TSPYL4: variants seen among roughly 807,000 people sequenced by gnomAD.
The protein encoded by TSPYL4 is testis-specific Y-encoded-like protein 4.
Under a neutral mutation model 24.2 loss-of-function variants are expected in TSPYL4, and 22 were observed. The ratio of observed to expected loss-of-function variants is 0.91; its 90% CI spans 0.65 to 1.30. The LOEUF is 1.30. Among genes scored for constraint, TSPYL4 ranks in the 50% most tolerant of loss-of-function variants. The pLI is 0.00. For missense variants in TSPYL4, 569 were observed against 536.7 expected (o/e 1.06, Z -0.60); for synonymous variants, 211 against 208.2 (o/e 1.01, Z -0.12).
rs186602166 is a variant in TSPYL4, at chr6:116,253,286, C to A, written c.723G>T (p.Gln241His). Residue 241 changes from glutamine (Q) to histidine (H), a missense_variant, in exon 1 of 1, where the codon CAG becomes CAT. Gln to His is a conservative substitution (Grantham distance 24, BLOSUM62 0). Transcript: ENST00000420283. This position sits in a 1 kb window ranked among gnomAD's most constrained non-coding sequence, Gnocchi z 4.3. ...KFGRMRRLHM[Q>H]RRSFIIQNIP... ...TATTCTGGATAATGAAACTTCTGCG[C>A]TGCATGTGGAGCCTTCGCATGCGGC... 120 of 1,606,926 alleles carry A rather than the reference C, an allele frequency of 7.5e-5. No individual in the cohort carries two copies. In the African/African-American group the frequency reaches 1.5e-3, roughly 20 times the overall value.
At position 116,251,264 on chromosome 6, in the gene TSPYL4, G is replaced by T; in HGVS notation, c.*1500C>A. The T allele has an allele frequency of 2.5e-6, 1 of 398,624 alleles. No homozygotes were observed. The highest frequency in any genetic ancestry group is 1.3e-4 in the South Asian group (1 of 7,850). 24.7% of individuals were successfully genotyped at this position (398,624 alleles called of 1,614,324 possible). On this transcript the variant is annotated 3_prime_UTR_variant, in exon 1 of 1. Coordinates refer to ENST00000420283, the MANE Select transcript of TSPYL4 (RefSeq NM_021648.5). ...TCACATCACAAAGGCCTTTGCCTTTGACCCGTCCTGAACCCATCACTGTGA... is the reference window on the plus strand; with the variant it reads ...TCACATCACAAAGGCCTTTGCCTTTTACCCGTCCTGAACCCATCACTGTGA...
At position 116,253,836 on chromosome 6, in the gene TSPYL4, G is replaced by T. The variant is rs1294369600; in HGVS notation, c.173C>A (p.Ala58Glu). 3.7e-6 allele frequency: 6 copies of T among 1,612,034 alleles called. No individual in the cohort carries two copies. In the African/African-American group the frequency reaches 6.7e-5, roughly 18 times the overall value. Reference protein sequence around the residue: ...NTGGGSLETVAEGGASQDPVD... With the variant: ...NTGGGSLETVEEGGASQDPVD... The stretch of plus-strand genomic sequence containing the variant: ...AGGATCCTGGGATGCACCCCCCTCC[G>T]CAACGGTCTCCAGGCTGCCCCCACC... Residue 58 changes from alanine to glutamate, a missense_variant, in exon 1 of 1, where the codon GCG (alanine) becomes GAG (glutamate). Ala to Glu is a moderately radical substitution (Grantham distance 107, BLOSUM62 -1). Coordinates refer to ENST00000420283, the MANE Select transcript of TSPYL4 (RefSeq NM_021648.5). This position sits in a 1 kb window ranked among gnomAD's most constrained non-coding sequence, Gnocchi z 4.3.
At position 116,253,100 on chromosome 6, in the gene TSPYL4, G is replaced by A. The variant is rs1360524758; in HGVS notation, c.909C>T (p.Asn303=). Residue 303 remains asparagine, a synonymous_variant, in exon 1 of 1, where the codon AAC becomes AAT. Transcript: ENST00000420283. The surrounding 1 kb of genome is among the most constrained non-coding windows in gnomAD (Gnocchi z 4.3). ...GCKFKFIFQG[N]PYFRNEGLVK... is the part of the protein sequence containing the mutation. ...CAAGCCCCTCATTTCGGAAGTAGGG[G>A]TTGCCCTGAAAGATGAACTTGAATT... 2 of 1,614,122 alleles carry A rather than the reference G, an allele frequency of 1.2e-6. No individual in the cohort carries two copies. The highest frequency in any genetic ancestry group is 1.7e-5 in the Admixed American group (1 of 60,020).
At position 116,252,479 on chromosome 6, in the gene TSPYL4, G is replaced by C; in HGVS notation, c.*285C>G. On this transcript the variant is annotated 3_prime_UTR_variant, in exon 1 of 1. Transcript: ENST00000420283. ...AAGCCATGCAAAGAAAGGCAGTATGGTACACTATATCTATAGTATCATACG... is the reference window on the plus strand; with the variant it reads ...AAGCCATGCAAAGAAAGGCAGTATGCTACACTATATCTATAGTATCATACG... 1 of 386,344 alleles carries C rather than the reference G, an allele frequency of 2.6e-6. No homozygotes were observed. The highest frequency in any genetic ancestry group is 4.6e-6 in the Non-Finnish European group (1 of 215,320). The allele number at this position is 386,344 out of a possible 1,614,324, so 23.9% of individuals were successfully genotyped here.
rs921848630 is a variant in TSPYL4, at chr6:116,250,805, C to G, written c.*1959G>C. The G allele has an allele frequency of 6.1e-6, 1 of 163,628 alleles. No individual in the cohort carries two copies. The highest frequency in any genetic ancestry group is 1.3e-5 in the Non-Finnish European group (1 of 75,862). The allele number at this position is 163,628 out of a possible 1,614,324, so 10.1% of individuals were successfully genotyped here. A position where few individuals can be genotyped will look rare whatever the true frequency, so the allele number is the denominator to read the frequency against. ...TGTGTGTGTTCAGACCTCCTAAACC[C>G]TCAGGTAGCTTAGGGCAAGGCCTTC... On this transcript the variant is annotated 3_prime_UTR_variant, in exon 1 of 1. Coordinates refer to ENST00000420283, the MANE Select transcript of TSPYL4 (RefSeq NM_021648.5).
Position 116,253,273 on chromosome 6 carries a change from T to C in TSPYL4, c.736A>G (p.Ile246Val), listed in dbSNP as rs769736542. The change falls in exon 1 of 1, where the codon ATT (isoleucine) becomes GTT (valine). Residue 246 changes from isoleucine (I) to valine (V), a missense_variant. Coordinates refer to ENST00000420283, the MANE Select transcript of TSPYL4 (RefSeq NM_021648.5). This position sits in a 1 kb window ranked among gnomAD's most constrained non-coding sequence, Gnocchi z 4.3. ...RRLHMQRRSFIIQNIPGFWVT... is the reference protein window; with the variant it reads ...RRLHMQRRSFVIQNIPGFWVT... Reference sequence around the variant, plus strand: ...CAGAAACCTGGGATATTCTGGATAATGAAACTTCTGCGCTGCATGTGGAGC... The same window carrying C: ...CAGAAACCTGGGATATTCTGGATAACGAAACTTCTGCGCTGCATGTGGAGC... The C allele has an allele frequency of 1.2e-6, 2 of 1,610,844 alleles. No homozygotes were observed. Among genetic ancestry groups the C allele is most frequent in the South Asian group, 1.1e-5 (1 of 90,644 alleles).
chr6:116,253,304 C>T lies in TSPYL4; in HGVS notation c.705G>A (p.Met235Ile). Residue 235 changes from methionine to isoleucine, a missense_variant, in exon 1 of 1, where the codon ATG becomes ATA. Coordinates refer to ENST00000420283, the MANE Select transcript of TSPYL4 (RefSeq NM_021648.5). This position sits in a 1 kb window ranked among gnomAD's most constrained non-coding sequence, Gnocchi z 4.3. ...TTCTGCGCTGCATGTGGAGCCTTCG[C>T]ATGCGGCCAAACTTGCGCTCAAGCT... ...FLQLERKFGRMRRLHMQRRSF... is the reference protein window; with the variant it reads ...FLQLERKFGRIRRLHMQRRSF... 6.3e-7 allele frequency: 1 copy of T among 1,592,180 alleles called. No homozygotes were observed. The highest frequency in any genetic ancestry group is 1.1e-5 in the South Asian group (1 of 88,278).
rs1395251536 is a variant in TSPYL4 at position 116,253,434 on chromosome 6, T to C, written c.575A>G (p.Glu192Gly). Residue 192 changes from glutamate to glycine, a missense_variant, in exon 1 of 1, where the codon GAG becomes GGG. By Grantham distance (98) the Glu-to-Gly change is moderately conservative. Transcript: ENST00000420283. The surrounding 1 kb of genome is among the most constrained non-coding windows in gnomAD (Gnocchi z 4.3). ...GATCTTCGGGGCCCTGGGCCGTGTC[T>C]CCTCTTTCACCCCTCCTGCCACCTT... is the stretch of plus-strand genomic sequence containing the variant. Reference protein sequence around the residue: ...EKKVAGGVKEETRPRAPKINN... With the variant: ...EKKVAGGVKEGTRPRAPKINN... 28 of 1,551,262 alleles carry C rather than the reference T, an allele frequency of 1.8e-5. No individual in the cohort carries two copies. The highest frequency in any genetic ancestry group is 2.7e-5 in the African/African-American group (2 of 73,016).
Position 116,252,965 on chromosome 6 carries a change from C to G in TSPYL4, c.1044G>C (p.Gly348=), listed in dbSNP as rs897928893. Residue 348 remains glycine, a synonymous_variant, in exon 1 of 1, where the codon GGG becomes GGC. Transcript: ENST00000420283. The part of the protein sequence containing the change: ...PQAHIHRNRE[G]NTIPSFFNWF... ...AGTTGAAGAAACTAGGGATAGTGTT[C>G]CCTTCCCGGTTTCTGTGGATATGAG... The G allele has an allele frequency of 1.9e-5, 31 of 1,613,922 alleles. No homozygotes were observed. Among genetic ancestry groups the G allele is most frequent in the Non-Finnish European group, 2.6e-5 (31 of 1,179,968 alleles).
rs1200110297 is a variant in TSPYL4 at position 116,254,061 on chromosome 6, G to C, written c.-53C>G. 6.6e-7 allele frequency: 1 copy of C among 1,512,388 alleles called. No homozygotes were observed. Among genetic ancestry groups the C allele is most frequent in the Admixed American group, 2.3e-5 (1 of 44,170 alleles). 93.7% of individuals were successfully genotyped at this position (1,512,388 alleles called of 1,614,324 possible). On this transcript the variant is annotated 5_prime_UTR_variant, in exon 1 of 1. Coordinates refer to ENST00000420283, the MANE Select transcript of TSPYL4 (RefSeq NM_021648.5). Reference sequence around the variant, plus strand: ...GGGAGAGTTCCTTGTCCTCCGCAGCGGCCGAGCTCTGCCCGAAACGTCTAG... The same window carrying C: ...GGGAGAGTTCCTTGTCCTCCGCAGCCGCCGAGCTCTGCCCGAAACGTCTAG...
At position 116,253,308 on chromosome 6, in the gene TSPYL4, C is replaced by A. The variant is rs1244668116; in HGVS notation, c.701G>T (p.Arg234Leu). ...GCGCTGCATGTGGAGCCTTCGCATG[C>A]GGCCAAACTTGCGCTCAAGCTGAAG... ...AFLQLERKFG[R>L]MRRLHMQRRS... Residue 234 changes from arginine (R) to leucine (L), a missense_variant, in exon 1 of 1, where the codon CGC becomes CTC. Physicochemically the swap from Arg to Leu is moderately radical, Grantham distance 102 (BLOSUM62 -2). Transcript: ENST00000420283. The surrounding 1 kb of genome is among the most constrained non-coding windows in gnomAD (Gnocchi z 4.3). 1.3e-6 allele frequency: 2 copies of A among 1,589,534 alleles called. No individual in the cohort carries two copies. Among genetic ancestry groups the A allele is most frequent in the Admixed American group, 1.8e-5 (1 of 55,586 alleles).
chr6:116,253,951 C>T lies in TSPYL4; in HGVS notation c.58G>A (p.Ala20Thr). ...GGATCTCCTGAGGCATGGTCGGGAG[C>T]AGCCAGGCCGCCGGTTTGGGCGAGA... is the stretch of plus-strand genomic sequence containing the variant. ...LPLAQTGGLAAPDHASGDPDR... is the reference protein window; with the variant it reads ...LPLAQTGGLATPDHASGDPDR... The change falls in exon 1 of 1, where the codon GCT becomes ACT. Residue 20 changes from alanine to threonine, a missense_variant. By Grantham distance (58) the Ala-to-Thr change is moderately conservative. Transcript: ENST00000420283. The surrounding 1 kb of genome is among the most constrained non-coding windows in gnomAD (Gnocchi z 4.3). The T allele has an allele frequency of 1.2e-6, 2 of 1,606,156 alleles. No homozygotes were observed. The highest frequency in any genetic ancestry group is 2.2e-5 in the South Asian group (2 of 90,124).
chr6:116,253,077 AGCCCCTCATTTCGGAAGTAGGGGTT>A lies in TSPYL4; in HGVS notation c.907_931del (p.Asn303LeufsTer54), dbSNP rs1308173106. 1.2e-6 allele frequency: 2 copies of A among 1,613,980 alleles called. No homozygotes were observed. Among genetic ancestry groups the A allele is most frequent in the Non-Finnish European group, 1.7e-6 (2 of 1,180,032 alleles). On this transcript the variant is annotated frameshift_variant, in exon 1 of 1. Coordinates refer to ENST00000420283, the MANE Select transcript of TSPYL4 (RefSeq NM_021648.5). LOFTEE classifies it high-confidence loss of function. The surrounding 1 kb of genome is among the most constrained non-coding windows in gnomAD (Gnocchi z 4.3). Reference sequence around the variant, plus strand: ...GGATCTGCGTTCATATTCCTTGACAAGCCCCTCATTTCGGAAGTAGGGGTTGCCCTGAAAGATGAACTTGAATTTG... The same window carrying A: ...GGATCTGCGTTCATATTCCTTGACAAGCCCTGAAAGATGAACTTGAATTTG...
At position 116,253,982 on chromosome 6, in the gene TSPYL4, C is replaced by A; in HGVS notation, c.27G>T (p.Lys9Asn). MSGLDGGN[K>N]LPLAQTGGLA... ...GGCCGCCGGTTTGGGCGAGAGGGAG[C>A]TTGTTGCCCCCATCCAGGCCGCTCA... is the stretch of plus-strand genomic sequence containing the variant. The change falls in exon 1 of 1, where the codon AAG (lysine) becomes AAT (asparagine). Residue 9 changes from lysine to asparagine, a missense_variant. Lys to Asn is a moderately conservative substitution (Grantham distance 94, BLOSUM62 0). Transcript: ENST00000420283. This position sits in a 1 kb window ranked among gnomAD's most constrained non-coding sequence, Gnocchi z 4.3. The A allele has an allele frequency of 6.3e-7, 1 of 1,591,774 alleles. No homozygotes were observed. The highest frequency in any genetic ancestry group is 1.8e-5 in the Admixed American group (1 of 56,984).
Position 116,250,455 on chromosome 6 carries a change from CAG to C in TSPYL4, c.*2307_*2308del, listed in dbSNP as rs973172994. The C allele has an allele frequency of 1.3e-5, 2 of 152,598 alleles. No individual in the cohort carries two copies. The highest frequency in any genetic ancestry group is 2.9e-5 in the Non-Finnish European group (2 of 68,034). 9.5% of individuals were successfully genotyped at this position (152,598 alleles called of 1,614,324 possible). ...AAAGGAAATGGATTTTACTCAAAAA[CAG>C]TGACATAAGGAGCATATACCATTAA... On this transcript the variant is annotated 3_prime_UTR_variant, in exon 1 of 1. Transcript: ENST00000420283.
rs1241830488 is a variant in TSPYL4 at position 116,253,503 on chromosome 6, G to C, written c.506C>G (p.Ala169Gly). ...ISAAVEKEGE[A>G]GAAMEEKKVV... Reference sequence around the variant, plus strand: ...CTTCTTTTCCTCCATCGCCGCCCCTGCTTCTCCCTCCTTTTCCACTGCTGC... The same window carrying C: ...CTTCTTTTCCTCCATCGCCGCCCCTCCTTCTCCCTCCTTTTCCACTGCTGC... The change falls in exon 1 of 1, where the codon GCA becomes GGA. Residue 169 changes from alanine (A) to glycine (G), a missense_variant. Coordinates refer to ENST00000420283, the MANE Select transcript of TSPYL4 (RefSeq NM_021648.5). This position sits in a 1 kb window ranked among gnomAD's most constrained non-coding sequence, Gnocchi z 4.3. The C allele has an allele frequency of 6.4e-7, 1 of 1,551,568 alleles. No homozygotes were observed. The highest frequency in any genetic ancestry group is 8.7e-7 in the Non-Finnish European group (1 of 1,146,958).
At position 116,252,573 on chromosome 6, in the gene TSPYL4, C is replaced by G; in HGVS notation, c.*191G>C. On this transcript the variant is annotated 3_prime_UTR_variant, in exon 1 of 1. Transcript: ENST00000420283. ...AACACAATGCAGAAAAGCATGAAGGCCCAGAGGAAGAATGGCACAGGCAGG... is the reference window on the plus strand; with the variant it reads ...AACACAATGCAGAAAAGCATGAAGGGCCAGAGGAAGAATGGCACAGGCAGG... The G allele has an allele frequency of 1.5e-6, 1 of 673,884 alleles. No individual in the cohort carries two copies. The highest frequency in any genetic ancestry group is 3.0e-5 in the Admixed American group (1 of 33,686). The allele number at this position is 673,884 out of a possible 1,614,324, so 41.7% of individuals were successfully genotyped here. A position where few individuals can be genotyped will look rare whatever the true frequency, so the allele number is the denominator to read the frequency against.
Position 116,253,459 on chromosome 6 carries a change from T to A in TSPYL4, c.550A>T (p.Lys184Ter), listed in dbSNP as rs1772003364. Reference sequence around the variant, plus strand: ...TCCTCTTTCACCCCTCCTGCCACCTTTTTTTCCTTCTGCACTACCTTCTTT... The same window carrying A: ...TCCTCTTTCACCCCTCCTGCCACCTATTTTTCCTTCTGCACTACCTTCTTT... ...EEKKVVQKEKKVAGGVKEETR... is the reference protein window; with the variant it reads ...EEKKVVQKEK The change falls in exon 1 of 1, where the codon AAG (lysine) becomes TAG (stop). Residue 184 changes from lysine to a stop codon, truncating the protein, a stop_gained. Coordinates refer to ENST00000420283, the MANE Select transcript of TSPYL4 (RefSeq NM_021648.5). LOFTEE classifies it high-confidence loss of function. The surrounding 1 kb of genome is among the most constrained non-coding windows in gnomAD (Gnocchi z 4.3). 1.3e-6 allele frequency: 2 copies of A among 1,551,542 alleles called. No homozygotes were observed.
Position 116,253,563 on chromosome 6 carries a change from G to T in TSPYL4, c.446C>A (p.Ala149Asp). ...LGSQMIPGKK[A>D]KEVTTKKRAI... Reference sequence around the variant, plus strand: ...GCGTTTTTTAGTCGTCACTTCCTTGGCCTTCTTCCCCGGTATCATCTGAGA... The same window carrying T: ...GCGTTTTTTAGTCGTCACTTCCTTGTCCTTCTTCCCCGGTATCATCTGAGA... Residue 149 changes from alanine to aspartate, a missense_variant, in exon 1 of 1, where the codon GCC becomes GAC. Coordinates refer to ENST00000420283, the MANE Select transcript of TSPYL4 (RefSeq NM_021648.5). The surrounding 1 kb of genome is among the most constrained non-coding windows in gnomAD (Gnocchi z 4.3). 1 of 1,551,850 alleles carries T rather than the reference G, an allele frequency of 6.4e-7. No individual in the cohort carries two copies. The highest frequency in any genetic ancestry group is 8.7e-7 in the Non-Finnish European group (1 of 1,147,044).
Sources: gnomAD v4.1 joint callset for allele counts on GRCh38, gnomAD v4.1.1 for gene constraint, Gnocchi (gnomAD v3.1) non-coding constraint, MANE v1.5 for transcripts, NCBI Gene and HGNC (gene_info 2026-07-23, HGNC 2026-07-21) for gene names.